SYN2: variants seen among roughly 807,000 people sequenced by gnomAD.
SYN2 encodes the protein synapsin-2.
In SYN2, 19 loss-of-function variants were observed where a neutral mutation model predicts 50.9. That is an observed-to-expected ratio of 0.37 (90% CI 0.26 to 0.55). The LOEUF is 0.55. Among genes scored for constraint, SYN2 ranks in the 20% least tolerant of loss-of-function variants. SYN2 has a pLI of 0.81. For missense variants in SYN2, 587 were observed against 576.4 expected (o/e 1.02, Z -0.19); for synonymous variants, 255 against 224.9 (o/e 1.13, Z -1.20).
At chr3:12,085,108 TAAA>T (rs61355688) in intron 1 of SYN2, among the ~76,000 whole-genome samples, 28,114 of 148,760 alleles carry the variant, frequency 0.19, 3,407 homozygotes, top group African/African-American at 0.35. Context: ...GCTGACTGGG[TAAA>T]AAAAAAAAAA....
intron 1 of SYN2, chr3:12,071,128 G>A: frequency 1.8e-6 from 1 of 559,572 alleles, no homozygotes; most frequent in East Asian, 4.8e-5. Flanking sequence ...TGCCAACAAG[G>A]TGCTGTCCAG....
At chr3:12,050,488 G>A (rs1404252703) in intron 1 of SYN2, among the ~76,000 whole-genome samples, 1 of 151,764 alleles carries the variant, frequency 6.6e-6, no homozygotes, top group Non-Finnish European at 1.5e-5. Flanking sequence ...TGGGACTATA[G>A]GTGTGTGCCA....
At chr3:12,058,719 G>A (rs1695051769) in intron 1 of SYN2, among the ~76,000 whole-genome samples, 2 of 152,162 alleles carry the variant, frequency 1.3e-5, no homozygotes, top group South Asian at 4.1e-4. Context: ...AGATGTATTT[G>A]ATATTTTGCT....
intron 5 of SYN2, chr3:12,158,717 A>C: frequency 6.2e-7 from 1 of 1,610,310 alleles, no homozygotes. Context: ...GCCGAGTGGC[A>C]GATGTGCTGC....
intron 1 of SYN2, among the ~76,000 whole-genome samples, chr3:12,097,748 G>A (rs1442476359): frequency 2.0e-5 from 3 of 152,124 alleles, no homozygotes; most frequent in East Asian, 1.9e-4. Context: ...GCAAACTCTC[G>A]CAAGGACAGA....
intron 3 of SYN2, among the ~76,000 whole-genome samples, chr3:12,142,542 G>T (rs566410162): frequency 6.6e-6 from 1 of 152,278 alleles, no homozygotes; most frequent in African/African-American, 2.4e-5. Context: ...CCTAGGGCTG[G>T]AAGAGACATG....
intron 9 of SYN2, among the ~76,000 whole-genome samples, chr3:12,169,081 A>G (rs986379491): frequency 6.6e-6 from 1 of 152,204 alleles, no homozygotes; most frequent in African/African-American, 2.4e-5. Context: ...CTTCAAATTC[A>G]GAATCTATCT....
At chr3:12,167,495 T>A (rs795010) in intron 8 of SYN2, among the ~76,000 whole-genome samples, 187 bp downstream of exon 8, 109,985 of 152,026 alleles carry the variant, frequency 0.72, 40,115 homozygotes, top group Admixed American at 0.8. Context: ...GATGATAGAG[T>A]TAAAGACTGC....
At chr3:12,180,009 C>T (rs564660164) in intron 10 of SYN2, among the ~76,000 whole-genome samples, 13 of 152,242 alleles carry the variant, frequency 8.5e-5, no homozygotes, top group East Asian at 3.9e-4. Flanking sequence ...AATGCAGTGG[C>T]GTGATCCTGG....
intron 9 of SYN2, among the ~76,000 whole-genome samples, chr3:12,169,409 G>A (rs1697884136): frequency 6.6e-6 from 1 of 152,132 alleles, no homozygotes; most frequent in Admixed American, 6.5e-5. Flanking sequence ...AGATTTAAGG[G>A]GATGCCTTTC....
At chr3:12,168,975 C>T (rs111363471) in intron 9 of SYN2, among the ~76,000 whole-genome samples, 2 of 152,186 alleles carry the variant, frequency 1.3e-5, no homozygotes, top group Non-Finnish European at 1.5e-5. Flanking sequence ...GAATCCTTCA[C>T]ACACATTCCT....
intron 1 of SYN2, among the ~76,000 whole-genome samples, chr3:12,111,609 G>C (rs930585442): frequency 1.4e-4 from 22 of 152,136 alleles, no homozygotes; most frequent in African/African-American, 5.3e-4. Context: ...TCTTTTAGCA[G>C]ATCTTACTTT....
chr3:12,132,953 G>A (rs1696825216), intron 1 of SYN2, among the ~76,000 whole-genome samples: 1 of 152,126 alleles, frequency 6.6e-6, no homozygotes, highest in East Asian at 1.9e-4. Flanking sequence ...TATTTCCCCT[G>A]AATGTGTTTT....
intron 1 of SYN2, chr3:12,070,529 G>C (rs556527836): frequency 5.6e-6 from 5 of 894,612 alleles, no homozygotes; most frequent in Non-Finnish European, 5.2e-6. Context: ...GTGTGGCCCC[G>C]GAGGAGCACC....
chr3:12,183,919 C>T, intron 11 of SYN2: 1 of 995,502 alleles, frequency 1.0e-6, no homozygotes, highest in Non-Finnish European at 1.2e-6. Context: ...CTTCAATGAA[C>T]TGTGCTTTTC....
At chr3:12,184,830 C>T (rs576567099) in intron 11 of SYN2, 4 of 985,782 alleles carry the variant, frequency 4.1e-6, no homozygotes, top group Admixed American at 6.1e-5. Flanking sequence ...ACCAAGCAGC[C>T]GCCTCTAACA....
chr3:12,036,820 C>G (rs1328586635), intron 1 of SYN2, among the ~76,000 whole-genome samples: 1 of 152,184 alleles, frequency 6.6e-6, no homozygotes, highest in East Asian at 1.9e-4. Flanking sequence ...TGAGAGTTTT[C>G]CACATCTTTC....
chr3:12,016,981 A>G (rs973340898), intron 1 of SYN2, among the ~76,000 whole-genome samples: 2 of 152,202 alleles, frequency 1.3e-5, no homozygotes, highest in African/African-American at 4.8e-5. Context: ...AGAACTCTTT[A>G]TATAGTCAAA....
In SYN2 at chr3:12,070,434, G is replaced by T. The variant is rs192801401; in HGVS notation, c.377+65506G>T. The T allele has an allele frequency of 3.1e-5, 17 of 550,160 alleles. No homozygotes were observed. The East Asian group carries it at 6.9e-4, about 22-fold the overall frequency. The allele number at this position is 550,160 out of a possible 1,614,324, so 34.1% of individuals were successfully genotyped here. On this transcript the variant is annotated intron_variant, in intron 1 of 12. Coordinates refer to ENST00000621198, the MANE Select transcript of SYN2 (RefSeq NM_133625.6). ...ATGGCATCCTGACGCTGAAGATTGG[G>T]ACTCTGACCCCATTGAGCGTGGCAT... is the stretch of plus-strand genomic sequence containing the variant.
Sources: gnomAD v4.1 joint callset for allele counts (sites outside exome capture counted in the v4.1 genomes callset) on GRCh38, gnomAD v4.1.1 for gene constraint, MANE v1.5 for transcripts, NCBI Gene and HGNC (gene_info 2026-07-23, HGNC 2026-07-21) for gene names.